CCDC201: variants seen among roughly 807,000 people sequenced by gnomAD.
The protein encoded by CCDC201 is coiled-coil domain-containing protein 201.
chr7:45,870,244 A>T (rs1429468504), intron 1 of CCDC201, among the ~76,000 whole-genome samples: 1 of 152,214 alleles, frequency 6.6e-6, no homozygotes, highest in African/African-American at 2.4e-5. Context: ...TTTGATTTGC[A>T]TTTCTGTAAT....
chr7:45,884,221 C>T, the CCDC201 span, among the ~76,000 whole-genome samples: 2,027 of 152,214 alleles, frequency 0.013, 33 homozygotes, highest in African/African-American at 0.046. Flanking sequence ...TCACCTCAGC[C>T]TCCTGAATAG....
chr7:45,863,801 G>A (rs957130820), intron 2 of CCDC201, among the ~76,000 whole-genome samples: 3 of 152,054 alleles, frequency 2.0e-5, no homozygotes, highest in African/African-American at 4.8e-5. Context: ...TCTTCCTAAC[G>A]CCCTGAAAGT....
chr7:45,867,164 G>A (rs1454575836), intron 1 of CCDC201, among the ~76,000 whole-genome samples: 1 of 152,138 alleles, frequency 6.6e-6, no homozygotes, highest in Non-Finnish European at 1.5e-5. Context: ...AGTGCCCCTT[G>A]AAGTCTGTCC....
At chr7:45,869,362 A>T (rs1477399927) in intron 1 of CCDC201, among the ~76,000 whole-genome samples, 2 of 152,238 alleles carry the variant, frequency 1.3e-5, no homozygotes, top group Non-Finnish European at 2.9e-5. Flanking sequence ...CAGATGGCTT[A>T]TTGGCCTGAA....
rs141977413 is a variant in CCDC201 at position 45,860,643 on chromosome 7, G to A, written c.*2442C>T. 8 of 152,248 alleles carry A rather than the reference G, an allele frequency of 5.3e-5. No individual in the cohort carries two copies. In the East Asian group the frequency reaches 1.4e-3, roughly 26 times the overall value. The allele number at this position is 152,248 out of a possible 1,614,324, so 9.4% of individuals were successfully genotyped here. A position where few individuals can be genotyped will look rare whatever the true frequency, so the allele number is the denominator to read the frequency against. ...ATAAGCGGGCAGCACTCATTTCTCC[G>A]TGTCCCTCAGTCTGAGAATGCCCTG... On this transcript the variant is annotated 3_prime_UTR_variant, in exon 3 of 3. Coordinates refer to ENST00000636578, the Ensembl canonical transcript of CCDC201.
chr7:45,881,750 C>T, the CCDC201 span, among the ~76,000 whole-genome samples: 10 of 152,202 alleles, frequency 6.6e-5, no homozygotes, highest in South Asian at 2.1e-4. Context: ...GGGATGGCCT[C>T]GCTTCCATCG....
At chr7:45,884,783 C>CTTA in the CCDC201 span, among the ~76,000 whole-genome samples, 1 of 152,168 alleles carries the variant, frequency 6.6e-6, no homozygotes, top group African/African-American at 2.4e-5. Context: ...CTCACTTATC[C>CTTA]TAAGGGTCAG....
intron 1 of CCDC201, among the ~76,000 whole-genome samples, chr7:45,871,247 A>G (rs1362299085): frequency 6.6e-6 from 1 of 152,176 alleles, no homozygotes; most frequent in Non-Finnish European, 1.5e-5. Flanking sequence ...CTTTCATCAC[A>G]TCTTCTTCTG....
intron 1 of CCDC201, among the ~76,000 whole-genome samples, chr7:45,867,597 C>A (rs1331224667): frequency 1.3e-5 from 2 of 152,166 alleles, no homozygotes; most frequent in African/African-American, 4.8e-5. Context: ...CTGGACAGAG[C>A]CAGCAATCAC....
chr7:45,860,750 A>G (rs1366950144), exon 3 of CCDC201: 1 of 152,238 alleles, frequency 6.6e-6, no homozygotes, highest in Non-Finnish European at 1.5e-5. Context: ...ACTCAGTTCC[A>G]TAGGCATGTC....
At chr7:45,880,610 C>T in the CCDC201 span, among the ~76,000 whole-genome samples, 47 of 152,190 alleles carry the variant, frequency 3.1e-4, 1 homozygote, top group East Asian at 8.7e-3. Flanking sequence ...TGGTACCCCA[C>T]GTGATGGGCA....
chr7:45,870,427 G>T (rs1786731468), intron 1 of CCDC201, among the ~76,000 whole-genome samples: 1 of 152,168 alleles, frequency 6.6e-6, no homozygotes, highest in Non-Finnish European at 1.5e-5. Context: ...ACTACACATT[G>T]CATACAGTGA....
intron 1 of CCDC201, among the ~76,000 whole-genome samples, chr7:45,867,105 C>T (rs1013428113): frequency 6.6e-6 from 1 of 152,236 alleles, no homozygotes; most frequent in Admixed American, 6.5e-5. Flanking sequence ...TCCTGATGAA[C>T]TATACCCGGC....
upstream of CCDC201, among the ~76,000 whole-genome samples, chr7:45,875,632 A>G (rs1786792583): frequency 6.6e-6 from 1 of 152,150 alleles, no homozygotes; most frequent in Admixed American, 6.5e-5. Flanking sequence ...TTGAAGGTAA[A>G]GCTCCCTTAG....
At chr7:45,873,204 C>G (rs538853579), upstream of CCDC201, 1 of 152,358 alleles carries the variant, frequency 6.6e-6, no homozygotes, top group East Asian at 1.9e-4. Context: ...CTAGGTCTTC[C>G]CCTTGTTGGT....
chr7:45,865,587 G>T (rs1786659152), intron 2 of CCDC201, among the ~76,000 whole-genome samples: 1 of 152,240 alleles, frequency 6.6e-6, no homozygotes, highest in Non-Finnish European at 1.5e-5. Context: ...TCTGTAACAA[G>T]ATGACATATC....
chr7:45,871,534 A>T (rs1191587396), intron 1 of CCDC201, among the ~76,000 whole-genome samples: 1 of 152,222 alleles, frequency 6.6e-6, no homozygotes, highest in Non-Finnish European at 1.5e-5. Context: ...AACTTATGTA[A>T]GGCTTTGCTA....
At chr7:45,876,207 A>G (rs1410998506), upstream of CCDC201, among the ~76,000 whole-genome samples, 5 of 152,124 alleles carry the variant, frequency 3.3e-5, no homozygotes, top group Non-Finnish European at 5.9e-5. Flanking sequence ...AGAAACCACA[A>G]TGACTTTCCC....
intron 1 of CCDC201, among the ~76,000 whole-genome samples, chr7:45,867,399 C>T (rs1242454841): frequency 6.6e-6 from 1 of 152,144 alleles, no homozygotes; most frequent in East Asian, 1.9e-4. Context: ...GTAGGAGTAA[C>T]AGTGCCCAGT....
Sources: gnomAD v4.1 joint callset for allele counts (sites outside exome capture counted in the v4.1 genomes callset) on GRCh38, gnomAD v4.1.1 for gene constraint, MANE v1.5 for transcripts, NCBI Gene and HGNC (gene_info 2026-07-23, HGNC 2026-07-21) for gene names.